Variants in PHACTR2 observed in about 807,000 individuals in gnomAD.
PHACTR2 encodes chromosome 6 open reading frame 56.
In PHACTR2, 30 loss-of-function variants were observed where a neutral mutation model predicts 76.0. That is an observed-to-expected ratio of 0.39 (90% CI 0.30 to 0.54). The LOEUF is 0.54. PHACTR2 is among the 20% of genes least tolerant of loss of function. The probability of loss-of-function intolerance (pLI) is 0.61; values close to 1 mark genes in which losing one functional copy is unlikely to be tolerated. For synonymous variants in PHACTR2, 292 were observed against 292.5 expected, an observed-to-expected ratio of 1.00 and a Z score of 0.02; for missense variants, 696 against 781.1, an observed-to-expected ratio of 0.89 and a Z score of 1.30.
rs748796870 is a variant in PHACTR2 at position 143,610,844 on chromosome 6, T to C, written c.13+2522T>C. Among the ~76,000 whole-genome samples the C allele has an allele frequency of 2.0e-5, 3 of 152,218 alleles. No homozygotes were observed. The highest frequency in any genetic ancestry group is 2.4e-5 in the African/African-American group (1 of 41,460). ...TCCTGGAATAACAATAAAATATTTA[T>C]CAAACTGTGTGTGTGGAATATGTCA... On this transcript the variant is annotated intron_variant, in intron 1 of 11. Transcript: ENST00000305766. The surrounding 1 kb of genome is among the most constrained non-coding windows in gnomAD (Gnocchi z 4.9).
chr6:143,721,074 G>A (rs1778432433), intron 2 of PHACTR2, among the ~76,000 whole-genome samples: 1 of 152,198 alleles, frequency 6.6e-6, no homozygotes, highest in African/African-American at 2.4e-5. Context: ...GGCAGATTCT[G>A]ACCCACCATC....
In PHACTR2 at chr6:143,794,319, TTATAA is replaced by T. The variant is rs1466838724; in HGVS notation, c.1845+5414_1845+5418del. On this transcript the variant is annotated intron_variant, in intron 11 of 12. Transcript: ENST00000440869. This position sits in a 1 kb window ranked among gnomAD's most constrained non-coding sequence, Gnocchi z 4.1. ...TTGTTGCTTTTTACCTTAAAACATT[TTATAA>T]TATATTATTTATTATATATATTTAG... Among the ~76,000 whole-genome samples the T allele has an allele frequency of 2.0e-5, 3 of 150,596 alleles. No individual in the cohort carries two copies. The highest frequency in any genetic ancestry group is 7.3e-5 in the African/African-American group (3 of 41,196).
chr6:143,584,317 C>T (rs920345507), intron 1 of PHACTR2, among the ~76,000 whole-genome samples: 3 of 152,106 alleles, frequency 2.0e-5, no homozygotes, highest in Non-Finnish European at 2.9e-5. Context: ...TTTGCGTCTC[C>T]GAGTGTTGGA....
intron 1 of PHACTR2, among the ~76,000 whole-genome samples, chr6:143,622,577 G>A (rs775998504): frequency 9.9e-5 from 15 of 152,184 alleles, no homozygotes; most frequent in Non-Finnish European, 2.1e-4. Context: ...GCACAATGAT[G>A]TATATAGACC....
rs1235235132 is a variant in PHACTR2, at chr6:143,547,076, T to C, written c.217+9869T>C. ...TATGGCTTATGGTTAGTAAGTGTTATAGAATTTATGTCTTCAAATGAGTGT... is the reference window on the plus strand; with the variant it reads ...TATGGCTTATGGTTAGTAAGTGTTACAGAATTTATGTCTTCAAATGAGTGT... On this transcript the variant is annotated intron_variant, in intron 1 of 11. Transcript: ENST00000367584. The surrounding 1 kb of genome is among the most constrained non-coding windows in gnomAD (Gnocchi z 4.2). Among the ~76,000 whole-genome samples the C allele has an allele frequency of 6.6e-6, 1 of 152,064 alleles. No individual in the cohort carries two copies. The highest frequency in any genetic ancestry group is 1.5e-5 in the Non-Finnish European group (1 of 68,008).
Position 143,708,780 on chromosome 6 carries a change from A to G in PHACTR2, c.47-3236A>G, listed in dbSNP as rs1222209392. ...GTGCCAACATATGGTTTCTAATTGC[A>G]AATATGGTCTATGATAGGGGAAAAA... On this transcript the variant is annotated intron_variant, in intron 1 of 12. Coordinates refer to ENST00000440869, the MANE Select transcript of PHACTR2 (RefSeq NM_001100164.2). The surrounding 1 kb of genome is among the most constrained non-coding windows in gnomAD (Gnocchi z 5.5). Among the ~76,000 whole-genome samples, 2 of 152,210 alleles carry G rather than the reference A, an allele frequency of 1.3e-5. No homozygotes were observed. Among genetic ancestry groups the G allele is most frequent in the Middle Eastern group, 3.2e-3 (1 of 316 alleles).
At position 143,619,907 on chromosome 6, in the gene PHACTR2, C is replaced by T. The variant is rs1283235911; in HGVS notation, c.13+11585C>T. 2.6e-5 allele frequency among the ~76,000 whole-genome samples: 4 copies of T among 152,188 alleles called. No individual in the cohort carries two copies. Among genetic ancestry groups the T allele is most frequent in the South Asian group, 2.1e-4 (1 of 4,824 alleles). On this transcript the variant is annotated intron_variant, in intron 1 of 11. Coordinates refer to the PHACTR2 transcript ENST00000305766. The surrounding 1 kb of genome is among the most constrained non-coding windows in gnomAD (Gnocchi z 4.5). ...GTGTGAGATTCTATAGTCTTCACAG[C>T]GCCGATCATGCTTGCTTGTGGTACT... is the stretch of plus-strand genomic sequence containing the variant.
chr6:143,694,287 A>G (rs1777720868), intron 1 of PHACTR2, among the ~76,000 whole-genome samples: 1 of 152,124 alleles, frequency 6.6e-6, no homozygotes, highest in Non-Finnish European at 1.5e-5. Flanking sequence ...ATAAATAAAG[A>G]AAGAAATGGA....
At chr6:143,720,932 C>T (rs528220050) in intron 2 of PHACTR2, among the ~76,000 whole-genome samples, 16 of 152,336 alleles carry the variant, frequency 1.1e-4, no homozygotes, top group African/African-American at 2.9e-4. Context: ...ATCTTGATAT[C>T]TACTGCAGCT....
rs556207270 is a variant in PHACTR2 at position 143,795,233 on chromosome 6, G to A, written c.1845+6323G>A. ...GTTAAAGACCAGCCTGAGCAACATA[G>A]CAAGACCCTCTCTCTACAAAAACTA... On this transcript the variant is annotated intron_variant, in intron 11 of 12. Coordinates refer to ENST00000440869, the MANE Select transcript of PHACTR2 (RefSeq NM_001100164.2). This position sits in a 1 kb window ranked among gnomAD's most constrained non-coding sequence, Gnocchi z 4.8. Among the ~76,000 whole-genome samples the A allele has an allele frequency of 1.3e-5, 2 of 152,182 alleles. No homozygotes were observed. Among genetic ancestry groups the A allele is most frequent in the South Asian group, 4.2e-4 (2 of 4,814 alleles).
At position 143,578,513 on chromosome 6, in the gene PHACTR2, T is replaced by C. The variant is rs1378332168; in HGVS notation, c.217+41306T>C. The stretch of plus-strand genomic sequence containing the variant: ...AAGAATGGGGCCGAAATGCAGCCCA[T>C]ACCCTGCTTGCCAAGCTGGGTACAA... On this transcript the variant is annotated intron_variant, in intron 1 of 11. Coordinates refer to the PHACTR2 transcript ENST00000367584. The surrounding 1 kb of genome is among the most constrained non-coding windows in gnomAD (Gnocchi z 4.5). Among the ~76,000 whole-genome samples the C allele has an allele frequency of 6.6e-6, 1 of 152,122 alleles. No homozygotes were observed. The highest frequency in any genetic ancestry group is 6.6e-5 in the Admixed American group (1 of 15,262).
intron 1 of PHACTR2, among the ~76,000 whole-genome samples, chr6:143,540,344 G>C (rs1211416060): frequency 2.0e-5 from 3 of 152,114 alleles, no homozygotes; most frequent in African/African-American, 7.2e-5. Flanking sequence ...TCAGAGAACA[G>C]CCTCCCTCCA....
chr6:143,609,722 C>T (rs890572469), intron 1 of PHACTR2, among the ~76,000 whole-genome samples: 1 of 152,194 alleles, frequency 6.6e-6, no homozygotes, highest in African/African-American at 2.4e-5. Context: ...ATTATACTGA[C>T]ATTCTGGCAG....
intron 1 of PHACTR2, among the ~76,000 whole-genome samples, chr6:143,540,370 C>T (rs1562678370): frequency 1.3e-5 from 2 of 152,144 alleles, no homozygotes; most frequent in Admixed American, 1.3e-4. Context: ...ACAGACCATC[C>T]TTGCTACCTG....
At chr6:143,650,125 C>T (rs2128445943) in intron 1 of PHACTR2, among the ~76,000 whole-genome samples, 1 of 152,214 alleles carries the variant, frequency 6.6e-6, no homozygotes, top group South Asian at 2.1e-4. Context: ...AGGAATACAG[C>T]TAACAAGGGA....
intron 1 of PHACTR2, among the ~76,000 whole-genome samples, chr6:143,601,925 T>G (rs1459639125): frequency 6.6e-6 from 1 of 152,262 alleles, no homozygotes; most frequent in Non-Finnish European, 1.5e-5. Flanking sequence ...ATAATAGTTA[T>G]ACATATGGGT....
At position 143,648,762 on chromosome 6, in the gene PHACTR2, CTCTG is replaced by C. The variant is rs1776702663; in HGVS notation, c.13+40442_13+40445del. ...CCCCAGGATGTGCACGTGTGTGTGT[CTCTG>C]TGTGTGTGTGGGCATGTGTCTCTGT... is the stretch of plus-strand genomic sequence containing the variant. On this transcript the variant is annotated intron_variant, in intron 1 of 11. Transcript: ENST00000305766. This position sits in a 1 kb window ranked among gnomAD's most constrained non-coding sequence, Gnocchi z 6.7. Among the ~76,000 whole-genome samples the C allele has an allele frequency of 1.3e-5, 2 of 151,760 alleles. No homozygotes were observed. Among genetic ancestry groups the C allele is most frequent in the South Asian group, 4.2e-4 (2 of 4,794 alleles).
In PHACTR2 at chr6:143,774,198, T is replaced by G; in HGVS notation, c.1572T>G (p.Ile524Met). 1 of 1,614,018 alleles carries G rather than the reference T, an allele frequency of 6.2e-7. No homozygotes were observed. Among genetic ancestry groups the G allele is most frequent in the African/African-American group, 1.3e-5 (1 of 75,036 alleles). The change falls in exon 8 of 13, where the codon ATT (isoleucine) becomes ATG (methionine). Residue 524 changes from isoleucine to methionine, a missense_variant. Transcript: ENST00000440869. The surrounding 1 kb of genome is among the most constrained non-coding windows in gnomAD (Gnocchi z 5.4). ...AGAGGCAGGAAATCCGACAACAAAT[T>G]GGAACCAAGTTAGTCAGGTAATTGC... ...EEERQEIRQQ[I>M]GTKLVRRLSQ...
chr6:143,747,652 T>C (rs1023871265), intron 2 of PHACTR2, among the ~76,000 whole-genome samples: 2 of 152,208 alleles, frequency 1.3e-5, no homozygotes, highest in African/African-American at 4.8e-5. Flanking sequence ...CTACTGCAGC[T>C]GCATGTTGTC....
Sources: allele counts gnomAD v4.1 joint callset (sites outside exome capture counted in the v4.1 genomes callset), GRCh38; gene constraint gnomAD v4.1.1; non-coding constraint Gnocchi (gnomAD v3.1); transcripts MANE v1.5; gene names NCBI Gene and HGNC (gene_info 2026-07-23, HGNC 2026-07-21).